SLC25A12: variants seen among roughly 807,000 people sequenced by gnomAD.
SLC25A12 encodes the protein solute carrier family 25 member 12.
Under a neutral mutation model 83.3 loss-of-function variants are expected in SLC25A12, and 32 were observed. The observed-to-expected ratio is 0.38, with a 90% CI of 0.29 to 0.52. The LOEUF is 0.52. Among genes scored for constraint, SLC25A12 ranks in the 20% least tolerant of loss-of-function variants. The pLI, the probability that SLC25A12 is intolerant of heterozygous loss-of-function variation, is 0.84. For missense variants in SLC25A12, 611 were observed against 835.6 expected, an observed-to-expected ratio of 0.73 and a Z score of 3.31; for synonymous variants, 267 against 291.1, an observed-to-expected ratio of 0.92 and a Z score of 0.84.
chr2:171,835,005 A>G (rs1482407187), intron 6 of SLC25A12, 140 bp from the exon 7 acceptor site: 37 of 884,686 alleles, frequency 4.2e-5, no homozygotes, highest in Non-Finnish European at 4.5e-5. Flanking sequence ...AAATACAAGG[A>G]AAGTATCACA....
chr2:171,894,127 A>T (rs1686001007), intron 1 of SLC25A12, 76 bp downstream of exon 1: 2 of 1,539,178 alleles, frequency 1.3e-6, no homozygotes, highest in African/African-American at 2.7e-5. Context: ...TAAAATGGGA[A>T]GCAGTGGGGG....
At chr2:171,886,447 G>GTTT (rs199558269) in intron 2 of SLC25A12, among the ~76,000 whole-genome samples, 1 of 132,680 alleles carries the variant, frequency 7.5e-6, no homozygotes, top group Non-Finnish European at 1.6e-5. Flanking sequence ...TGCCTAGGCT[G>GTTT]TTTTTTTTTT....
intron 8 of SLC25A12, among the ~76,000 whole-genome samples, chr2:171,833,017 C>T (rs1288288635): frequency 6.6e-6 from 1 of 152,150 alleles, no homozygotes; most frequent in African/African-American, 2.4e-5. Flanking sequence ...CTTCCCTTGG[C>T]CAGCCCATTG....
At chr2:171,803,000 T>C (rs1447096461) in intron 13 of SLC25A12, among the ~76,000 whole-genome samples, 1 of 152,034 alleles carries the variant, frequency 6.6e-6, no homozygotes, top group Non-Finnish European at 1.5e-5. Context: ...TGTGCACACA[T>C]ATGTCTATGC....
chr2:171,835,027 C>T (rs1573970206), intron 6 of SLC25A12, among the ~76,000 whole-genome samples, 162 bp from the exon 7 acceptor site: 3 of 152,286 alleles, frequency 2.0e-5, no homozygotes, highest in African/African-American at 7.2e-5. Flanking sequence ...TGAAACAGTG[C>T]ACTGCATGCC....
intron 2 of SLC25A12, among the ~76,000 whole-genome samples, chr2:171,876,301 G>A (rs944598333): frequency 3.9e-5 from 6 of 152,128 alleles, no homozygotes; most frequent in African/African-American, 1.4e-4. Context: ...GTCAGTACTT[G>A]ACTTCTACAG....
intron 4 of SLC25A12, among the ~76,000 whole-genome samples, chr2:171,854,842 A>C (rs192830693): frequency 6.6e-6 from 1 of 152,312 alleles, no homozygotes; most frequent in East Asian, 1.9e-4. Context: ...ATAAGTGTTT[A>C]ATGCCATAGC....
intron 4 of SLC25A12, among the ~76,000 whole-genome samples, chr2:171,850,434 C>T (rs1487260689): frequency 6.7e-6 from 1 of 150,204 alleles, no homozygotes; most frequent in African/African-American, 2.5e-5. Flanking sequence ...CAACCTCCAC[C>T]TCCTGGGTTC....
At chr2:171,856,856 G>A (rs1056459703) in intron 3 of SLC25A12, among the ~76,000 whole-genome samples, 1 of 152,076 alleles carries the variant, frequency 6.6e-6, no homozygotes, top group African/African-American at 2.4e-5. Context: ...TTTCTAGGAG[G>A]TTTTTTTGGT....
At chr2:171,826,700 A>T in intron 9 of SLC25A12, 98 bp downstream of exon 9, 1 of 766,552 alleles carries the variant, frequency 1.3e-6, no homozygotes, top group Non-Finnish European at 2.4e-6. Context: ...CTGGAAAGTA[A>T]TTTTTAATTT....
intron 2 of SLC25A12, among the ~76,000 whole-genome samples, chr2:171,872,346 G>T (rs546113157): frequency 6.6e-6 from 1 of 152,144 alleles, no homozygotes; most frequent in Non-Finnish European, 1.5e-5. Flanking sequence ...TACACTAATA[G>T]TAAGTAGATT....
chr2:171,858,181 C>A (rs138414658), intron 3 of SLC25A12, among the ~76,000 whole-genome samples: 1 of 152,198 alleles, frequency 6.6e-6, no homozygotes, highest in African/African-American at 2.4e-5. Flanking sequence ...GCATACAGAT[C>A]TGCAGACTGG....
chr2:171,856,017 T>C, intron 3 of SLC25A12, 68 bp from the exon 4 acceptor site: 1 of 882,994 alleles, frequency 1.1e-6, no homozygotes, highest in Non-Finnish European at 1.9e-6. Context: ...TAATCTGCCT[T>C]TACTATATAA....
At chr2:171,871,797 T>C in intron 2 of SLC25A12, 1 of 949,234 alleles carries the variant, frequency 1.1e-6, no homozygotes, top group Non-Finnish European at 1.3e-6. Flanking sequence ...CAGACTCTTC[T>C]GTTTAGCATT....
chr2:171,787,717 G>A, intron 16 of SLC25A12, 56 bp from the exon 17 acceptor site: 2 of 1,607,888 alleles, frequency 1.2e-6, no homozygotes, highest in Non-Finnish European at 1.7e-6. Context: ...ATGTGGTAAA[G>A]ATAGCCACTG....
At chr2:171,843,435 C>G (rs1684723872) in intron 5 of SLC25A12, among the ~76,000 whole-genome samples, 1 of 149,794 alleles carries the variant, frequency 6.7e-6, no homozygotes, top group Admixed American at 6.7e-5. Context: ...GGAGTTCAGA[C>G]CAGCCTGGCC....
rs1413571180 is a variant in SLC25A12, at chr2:171,801,504, A to G, written c.1306-7737T>C. Among the ~76,000 whole-genome samples the G allele has an allele frequency of 2.0e-5, 3 of 152,218 alleles. No individual in the cohort carries two copies. The East Asian group carries it at 5.8e-4, about 29-fold the overall frequency. ...TATTTGTGTCTTCGAATAAACATACATTTGTACATATAAATATTATATATA... is the reference window on the plus strand; with the variant it reads ...TATTTGTGTCTTCGAATAAACATACGTTTGTACATATAAATATTATATATA... On this transcript the variant is annotated intron_variant, in intron 13 of 17. Coordinates refer to ENST00000422440, the MANE Select transcript of SLC25A12 (RefSeq NM_003705.5).
At chr2:171,793,861 T>G in intron 13 of SLC25A12, 94 bp from the exon 14 acceptor site, 1 of 1,442,990 alleles carries the variant, frequency 6.9e-7, no homozygotes, top group Non-Finnish European at 9.7e-7. Context: ...CACATCTTGC[T>G]ATCTTGAAAA....
intron 17 of SLC25A12, among the ~76,000 whole-genome samples, chr2:171,787,258 G>A (rs1690506298): frequency 6.6e-6 from 1 of 152,162 alleles, no homozygotes; most frequent in Non-Finnish European, 1.5e-5. Context: ...CCGGGAGGTT[G>A]AGGCTACGGT....
Sources: allele counts gnomAD v4.1 joint callset (sites outside exome capture counted in the v4.1 genomes callset), GRCh38; gene constraint gnomAD v4.1.1; transcripts MANE v1.5; gene names NCBI Gene and HGNC (gene_info 2026-07-23, HGNC 2026-07-21).